MORC2: variants seen among roughly 807,000 people sequenced by gnomAD.
The protein encoded by MORC2 is MORC family CW-type zinc finger 2.
A neutral mutation model predicts 136.0 loss-of-function variants in MORC2; 30 were observed. The ratio of observed to expected loss-of-function variants is 0.22; its 90% CI spans 0.17 to 0.30. MORC2 has a LOEUF of 0.30. Ranked by LOEUF, MORC2 falls within the 10% of genes least tolerant of loss-of-function variation. MORC2 has a pLI of 1.00. For synonymous variants in MORC2, 439 were observed against 487.0 expected (o/e 0.90, Z 1.30); for missense variants, 922 against 1,333.1 (o/e 0.69, Z 4.80).
chr22:30,933,932 G>A (rs2040614569), intron 20 of MORC2, 128 bp downstream of exon 20: 23 of 1,138,776 alleles, frequency 2.0e-5, no homozygotes, highest in Non-Finnish European at 2.7e-5. Flanking sequence ...GGTGGGGGGG[G>A]TAGACTGCTG....
chr22:30,949,760 C>A lies in MORC2; in HGVS notation c.309G>T (p.Gly103=), dbSNP rs372357681. The change falls in exon 5 of 26, where the codon GGG becomes GGT. Residue 103 remains glycine (G), a synonymous_variant. Transcript: ENST00000397641. ...ESTQIGQYGN[G]LKSGSMRIGK... is the part of the protein sequence containing the mutation. ...GCTTCTAATATACCTACGATTTTAA[C>A]CCATTCCCGTACTGCCCAATCTGAG... 6.2e-7 allele frequency: 1 copy of A among 1,614,024 alleles called. No homozygotes were observed. The highest frequency in any genetic ancestry group is 2.2e-5 in the East Asian group (1 of 44,896).
intron 1 of MORC2, among the ~76,000 whole-genome samples, chr22:30,959,466 CAA>C (rs1213648425): frequency 1.3e-5 from 2 of 152,190 alleles, no homozygotes; most frequent in Non-Finnish European, 2.9e-5. Context: ...ATAAATTACA[CAA>C]AAGTGTATGA....
rs1360752364 is a variant in MORC2 at position 30,942,136 on chromosome 22, A to T, written c.562T>A (p.Phe188Ile). ...FRTEEEVMTQFMKIPGDSGTL... is the reference protein window; with the variant it reads ...FRTEEEVMTQIMKIPGDSGTL... ...CCGCTGTCCCCAGGAATCTTCATAAACTGGGTCATCACTTCCTCCTCAGTG... is the reference window on the plus strand; with the variant it reads ...CCGCTGTCCCCAGGAATCTTCATAATCTGGGTCATCACTTCCTCCTCAGTG... Residue 188 changes from phenylalanine (F) to isoleucine (I), a missense_variant, in exon 7 of 26, where the codon TTT becomes ATT. This residue lies in a region of MORC2 where 261 missense variants were observed against 354.3 expected (regional missense o/e 0.74). Coordinates refer to ENST00000397641, the MANE Select transcript of MORC2 (RefSeq NM_001303256.3). The T allele has an allele frequency of 1.2e-6, 2 of 1,613,790 alleles. No individual in the cohort carries two copies. Among genetic ancestry groups the T allele is most frequent in the Admixed American group, 3.3e-5 (2 of 59,996 alleles).
rs989520515 is a variant in MORC2 at position 30,968,462 on chromosome 22, A to C, written c.-573T>G. Among the ~76,000 whole-genome samples the C allele has an allele frequency of 2.6e-5, 4 of 152,180 alleles. No homozygotes were observed. The highest frequency in any genetic ancestry group is 5.9e-5 in the Non-Finnish European group (4 of 68,024). ...GCAAGTTGCAGCTTCACCACCTCCC[A>C]AGTGAAAAAGCTCCTAGGCACTCAC... On this transcript the variant is annotated 5_prime_UTR_variant, in exon 1 of 26. Transcript: ENST00000397641.
intron 24 of MORC2, among the ~76,000 whole-genome samples, chr22:30,931,470 G>C (rs144928458): frequency 7.8e-4 from 119 of 152,296 alleles, no homozygotes; most frequent in Non-Finnish European, 1.3e-3. Context: ...ACTTTTGCAG[G>C]CTGTCCTCTT....
At chr22:30,936,158 A>G (rs1019273145) in intron 17 of MORC2, among the ~76,000 whole-genome samples, 1 of 152,194 alleles carries the variant, frequency 6.6e-6, no homozygotes, top group Non-Finnish European at 1.5e-5. Flanking sequence ...TATGTGTGTT[A>G]TGTGTAGGTA....
In MORC2 at chr22:30,938,136, G is replaced by A; in HGVS notation, c.1143C>T (p.Gly381=). The A allele has an allele frequency of 6.2e-7, 1 of 1,614,086 alleles. No individual in the cohort carries two copies. Residue 381 remains glycine, a synonymous_variant, in exon 13 of 26, where the codon GGC becomes GGT. Transcript: ENST00000397641. The stretch of plus-strand genomic sequence containing the variant: ...GTCGGCTACAGTTGTAGATGAACAT[G>A]CCATCCAGATCCCGGTGTTCAATGT... ...GVNIEHRDLD[G]MFIYNCSRLI...
rs2040752360 is a variant in MORC2, at chr22:30,942,219, T to A, written c.479A>T (p.Asp160Val). The A allele has an allele frequency of 9.9e-6, 16 of 1,614,122 alleles. No homozygotes were observed. The East Asian group carries it at 3.6e-4, about 36-fold the overall frequency. Residue 160 changes from aspartate (D) to valine (V), a missense_variant, in exon 7 of 26, where the codon GAC (aspartate) becomes GTC (valine). By Grantham distance (152) the Asp-to-Val change is radical. This residue lies in a region of MORC2 where 261 missense variants were observed against 354.3 expected (regional missense o/e 0.74). Coordinates refer to ENST00000397641, the MANE Select transcript of MORC2 (RefSeq NM_001303256.3). ...WNARTREPVT[D>V]NVEKFAIETE... ...CTCAATGGCAAATTTCTCTACATTG[T>A]CTGTGACAGGTTCCCGGGTCCGAGC... is the stretch of plus-strand genomic sequence containing the variant.
chr22:30,951,230 G>A (rs910950837), intron 3 of MORC2, among the ~76,000 whole-genome samples: 1 of 152,226 alleles, frequency 6.6e-6, no homozygotes, highest in Non-Finnish European at 1.5e-5. Context: ...ACAAACTACG[G>A]CTGCCATTCT....
At position 30,941,441 on chromosome 22, in the gene MORC2, G is replaced by C; in HGVS notation, c.816C>G (p.Tyr272Ter). The C allele has an allele frequency of 6.2e-7, 1 of 1,613,922 alleles. No individual in the cohort carries two copies. The highest frequency in any genetic ancestry group is 8.5e-7 in the Non-Finnish European group (1 of 1,179,972). ...VQTKRLSCCL[Y>*]KPRMYKYTSS... ...GGGGCACTGGCCCCTACCTGGGCTT[G>C]TACAGGCAGCAGGAGAGCCTCTTGG... The change falls in exon 9 of 26, where the codon TAC becomes TAG. Residue 272 changes from tyrosine to a stop codon, truncating the protein, a stop_gained. Transcript: ENST00000397641. LOFTEE classifies it high-confidence loss of function. The surrounding 1 kb of genome is among the most constrained non-coding windows in gnomAD (Gnocchi z 4.6).
intron 25 of MORC2, among the ~76,000 whole-genome samples, chr22:30,927,730 C>G (rs558862003): frequency 6.6e-6 from 1 of 152,362 alleles, no homozygotes; most frequent in South Asian, 2.1e-4. Flanking sequence ...CCAATCCCAT[C>G]TGGGCGTCAT....
chr22:30,926,175 G>A lies in MORC2; in HGVS notation c.*628C>T, dbSNP rs1374035489. 2 of 152,196 alleles carry A rather than the reference G, an allele frequency of 1.3e-5. No individual in the cohort carries two copies. The highest frequency in any genetic ancestry group is 2.9e-5 in the Non-Finnish European group (2 of 68,040). 9.4% of individuals were successfully genotyped at this position (152,196 alleles called of 1,614,324 possible). A position where few individuals can be genotyped will look rare whatever the true frequency, so the allele number is the denominator to read the frequency against. On this transcript the variant is annotated 3_prime_UTR_variant, in exon 26 of 26. Transcript: ENST00000397641. ...GTTAACTGAAGAAATCCCTCCTTCAGAAAGAACTTGAGTAGTAGATGAGGT... is the reference window on the plus strand; with the variant it reads ...GTTAACTGAAGAAATCCCTCCTTCAAAAAGAACTTGAGTAGTAGATGAGGT...
chr22:30,944,633 A>G (rs2040790635), intron 6 of MORC2, among the ~76,000 whole-genome samples: 2 of 152,124 alleles, frequency 1.3e-5, no homozygotes, highest in African/African-American at 2.4e-5. Flanking sequence ...GAAGAAACTT[A>G]CACTCTTCCC....
In MORC2 at chr22:30,949,721, GAGCCCTGTGACA is replaced by G. The variant is rs1386487445; in HGVS notation, c.317+19_317+30del. On this transcript the variant is annotated intron_variant, in intron 5 of 25. Transcript: ENST00000397641. ...AGGACAGCATTGCTGGATTTTGTTT[GAGCCCTGTGACA>G]AGCTTCTAATATACCTACGATTTTA... 6.4e-7 allele frequency: 1 copy of G among 1,561,278 alleles called. No homozygotes were observed. Among genetic ancestry groups the G allele is most frequent in the Non-Finnish European group, 8.8e-7 (1 of 1,132,492 alleles).
In MORC2 at chr22:30,937,735, C is replaced by G; in HGVS notation, c.1370-24G>C. 1 of 1,614,074 alleles carries G rather than the reference C, an allele frequency of 6.2e-7. No individual in the cohort carries two copies. The highest frequency in any genetic ancestry group is 8.5e-7 in the Non-Finnish European group (1 of 1,179,974). On this transcript the variant is annotated intron_variant, in intron 14 of 25. Transcript: ENST00000397641. This position sits in a 1 kb window ranked among gnomAD's most constrained non-coding sequence, Gnocchi z 4.7. ...GGCTGGAAAGCAAACACCGATACAT[C>G]ATGTTAGGAGCCAGCCTCTCTCTCT...
In MORC2 at chr22:30,936,647, T is replaced by C; in HGVS notation, c.1605-4A>G. Reference sequence around the variant, plus strand: ...CTTTTGTTCAGAAGCCTCACACCTGTAGAGACAAGGTACTACAGAGGTCGT... The same window carrying C: ...CTTTTGTTCAGAAGCCTCACACCTGCAGAGACAAGGTACTACAGAGGTCGT... On this transcript the variant is annotated splice_region_variant and splice_polypyrimidine_tract_variant and intron_variant, in intron 16 of 25. Transcript: ENST00000397641. The C allele has an allele frequency of 6.2e-7, 1 of 1,613,718 alleles. No individual in the cohort carries two copies. Among genetic ancestry groups the C allele is most frequent in the Non-Finnish European group, 8.5e-7 (1 of 1,179,964 alleles).
chr22:30,926,943 C>T lies in MORC2; in HGVS notation c.3031-72G>A. On this transcript the variant is annotated intron_variant, in intron 25 of 25. Transcript: ENST00000397641. Reference sequence around the variant, plus strand: ...GGGGGGCTCACCTTTCCACCCTTCTCTCAGCTCCTGGGATGGAGCCCAGAG... The same window carrying T: ...GGGGGGCTCACCTTTCCACCCTTCTTTCAGCTCCTGGGATGGAGCCCAGAG... The T allele has an allele frequency of 3.0e-6, 4 of 1,328,610 alleles. 1 individual carries two copies. The South Asian group carries it at 4.8e-5, about 16-fold the overall frequency. 82.3% of individuals were successfully genotyped at this position (1,328,610 alleles called of 1,614,324 possible). A position where few individuals can be genotyped will look rare whatever the true frequency, so the allele number is the denominator to read the frequency against.
At chr22:30,935,652 T>A (rs888109183) in intron 17 of MORC2, among the ~76,000 whole-genome samples, 2 of 143,048 alleles carry the variant, frequency 1.4e-5, no homozygotes, top group African/African-American at 5.2e-5. Flanking sequence ...AAGGTGGGAT[T>A]TAGCAGCTAG....
Position 30,928,086 on chromosome 22 carries a change from C to T in MORC2, c.2963G>A (p.Arg988His), listed in dbSNP as rs747693260. The T allele has an allele frequency of 1.5e-5, 25 of 1,613,984 alleles. No homozygotes were observed. The highest frequency in any genetic ancestry group is 2.2e-5 in the East Asian group (1 of 44,882). The stretch of plus-strand genomic sequence containing the variant: ...CTTCTGCAGCTTCTCCTCCGTCTCG[C>T]GGAGCTTCCTCTCGGAGGTGCGCAG... ...ESLRTSERKL[R>H]ETEEKLQKLR... The change falls in exon 25 of 26, where the codon CGC becomes CAC. Residue 988 changes from arginine to histidine, a missense_variant. This residue lies in a region of MORC2 where 263 missense variants were observed against 388.3 expected (regional missense o/e 0.68). Transcript: ENST00000397641.
Sources: allele counts gnomAD v4.1 joint callset (sites outside exome capture counted in the v4.1 genomes callset), GRCh38; gene constraint gnomAD v4.1.1; regional missense constraint gnomAD v4.1.1; non-coding constraint Gnocchi (gnomAD v3.1); transcripts MANE v1.5; gene names NCBI Gene and HGNC (gene_info 2026-07-23, HGNC 2026-07-21).